RAC2: variants seen among roughly 807,000 people sequenced by gnomAD.
RAC2 encodes Rac family small GTPase 2, also known as ras-related C3 botulinum toxin substrate 2.
In RAC2, 1 loss-of-function variant was observed where a neutral mutation model predicts 24.0. The ratio of observed to expected loss-of-function variants is 0.04; its 90% CI spans 0.01 to 0.20. The LOEUF is 0.20. RAC2 is among the 10% of genes least tolerant of loss of function. RAC2 has a pLI of 1.00. For missense variants in RAC2, 130 were observed against 259.1 expected (o/e 0.50, Z 3.42); for synonymous variants, 114 against 106.8 (o/e 1.07, Z -0.41).
intron 5 of RAC2, among the ~76,000 whole-genome samples, chr22:37,230,680 G>A (rs758146978): frequency 2.8e-4 from 43 of 152,100 alleles, no homozygotes; most frequent in Non-Finnish European, 4.7e-4. Flanking sequence ...AAGAGGGGTC[G>A]AGCTGAGAAA....
intron 5 of RAC2, among the ~76,000 whole-genome samples, chr22:37,228,689 T>C (rs1926960488): frequency 6.7e-6 from 1 of 149,834 alleles, no homozygotes; most frequent in African/African-American, 2.5e-5. Context: ...AGGCCCAGAG[T>C]GGGGAAGCCA....
At chr22:37,243,270 G>A (rs773883215) in intron 1 of RAC2, among the ~76,000 whole-genome samples, 1 of 152,142 alleles carries the variant, frequency 6.6e-6, no homozygotes, top group East Asian at 1.9e-4. Flanking sequence ...AAAATGCTAG[G>A]ACTACAGGCA....
At chr22:37,234,257 A>AT (rs941426944) in intron 2 of RAC2, among the ~76,000 whole-genome samples, 2 of 152,222 alleles carry the variant, frequency 1.3e-5, no homozygotes, top group Non-Finnish European at 2.9e-5. Context: ...TGGGAGGGCC[A>AT]TCCCAGGGCT....
Position 37,242,134 on chromosome 22 carries a change from C to T in RAC2, c.36-476G>A, listed in dbSNP as rs559989080. Among the ~76,000 whole-genome samples the T allele has an allele frequency of 2.0e-5, 3 of 152,296 alleles. No homozygotes were observed. The South Asian group carries it at 6.2e-4, about 32-fold the overall frequency. ...ATGAGCCCATCCTCATAGGAGTGTG[C>T]TGAGGAGTAAATCCAACGAGGCCTA... On this transcript the variant is annotated intron_variant, in intron 1 of 6. Coordinates refer to ENST00000249071, the MANE Select transcript of RAC2 (RefSeq NM_002872.5).
chr22:37,233,982 C>T (rs1055510562), intron 2 of RAC2, among the ~76,000 whole-genome samples: 4 of 152,202 alleles, frequency 2.6e-5, no homozygotes, highest in East Asian at 1.9e-4. Flanking sequence ...CCACGGCAAA[C>T]GGTAGAAAGA....
In RAC2 at chr22:37,231,567, G is replaced by C. The variant is rs1351359783; in HGVS notation, c.289-177C>G. 11 of 634,910 alleles carry C rather than the reference G, an allele frequency of 1.7e-5. No individual in the cohort carries two copies. The Middle Eastern group carries it at 1.7e-3, about 96-fold the overall frequency. The allele number at this position is 634,910 out of a possible 1,614,324, so 39.3% of individuals were successfully genotyped here. On this transcript the variant is annotated intron_variant, in intron 4 of 6. Coordinates refer to ENST00000249071, the MANE Select transcript of RAC2 (RefSeq NM_002872.5). This position sits in a 1 kb window ranked among gnomAD's most constrained non-coding sequence, Gnocchi z 5.5. ...ACGTGAGGTGGCACAGGGAGGGGAG[G>C]CCACGACGTTGTGCAGGAAGGAGGG...
chr22:37,229,806 T>C lies in RAC2; in HGVS notation c.448+1425A>G, dbSNP rs56733795. Among the ~76,000 whole-genome samples the C allele has an allele frequency of 3.3e-3, 496 of 152,200 alleles. 1 individual carries two copies. Among genetic ancestry groups the C allele is most frequent in the African/African-American group, 0.012 (479 of 41,522 alleles). On this transcript the variant is annotated intron_variant, in intron 5 of 6. Coordinates refer to ENST00000249071, the MANE Select transcript of RAC2 (RefSeq NM_002872.5). ...TGGGGATTGTCCAGGTCAGCTTATG[T>C]GGAGAGGGAGACTGAGGCCCAGAGA... is the stretch of plus-strand genomic sequence containing the variant.
At chr22:37,230,809 C>T (rs1186620223) in intron 5 of RAC2, among the ~76,000 whole-genome samples, 2 of 152,110 alleles carry the variant, frequency 1.3e-5, no homozygotes, top group Non-Finnish European at 2.9e-5. Flanking sequence ...GTTTGACTTG[C>T]CACTTGTCCT....
At chr22:37,232,729 G>A in intron 3 of RAC2, 72 bp downstream of exon 3, 2 of 1,328,918 alleles carry the variant, frequency 1.5e-6, no homozygotes, top group Non-Finnish European at 2.2e-6. Flanking sequence ...TGAGCTGGCT[G>A]GAAGGGCATC....
At chr22:37,240,513 G>C (rs1313132236) in intron 2 of RAC2, among the ~76,000 whole-genome samples, 1 of 152,092 alleles carries the variant, frequency 6.6e-6, no homozygotes, top group Non-Finnish European at 1.5e-5. Context: ...TTTGCTAGAT[G>C]GTGGCTATGA....
chr22:37,231,083 C>T lies in RAC2; in HGVS notation c.448+148G>A, dbSNP rs559868277. 120 of 943,428 alleles carry T rather than the reference C, an allele frequency of 1.3e-4. No individual in the cohort carries two copies. In the African/African-American group the frequency reaches 1.8e-3, roughly 14 times the overall value. The allele number at this position is 943,428 out of a possible 1,614,324, so 58.4% of individuals were successfully genotyped here. On this transcript the variant is annotated intron_variant, in intron 5 of 6. Transcript: ENST00000249071. This position sits in a 1 kb window ranked among gnomAD's most constrained non-coding sequence, Gnocchi z 5.5. Reference sequence around the variant, plus strand: ...ACACAGGCAGAGAGAGGCTACGTGACTCGCCCAAGGTCACACAGCAAGTGC... The same window carrying T: ...ACACAGGCAGAGAGAGGCTACGTGATTCGCCCAAGGTCACACAGCAAGTGC...
At chr22:37,234,900 G>A (rs552672947) in intron 2 of RAC2, among the ~76,000 whole-genome samples, 8 of 152,332 alleles carry the variant, frequency 5.3e-5, no homozygotes, top group Non-Finnish European at 8.8e-5. Flanking sequence ...CTCTGGCGGA[G>A]CTTCGTCGTC....
intron 6 of RAC2, among the ~76,000 whole-genome samples, chr22:37,226,338 G>A (rs994285685): frequency 1.3e-5 from 2 of 151,956 alleles, no homozygotes; most frequent in East Asian, 1.9e-4. Flanking sequence ...TCCCTGGCTC[G>A]ACTGGGCTCT....
rs1460225721 is a variant in RAC2, at chr22:37,232,822, C to A, written c.204G>T (p.Arg68=). 1.2e-6 allele frequency: 2 copies of A among 1,613,860 alleles called. No individual in the cohort carries two copies. Among genetic ancestry groups the A allele is most frequent in the South Asian group, 1.1e-5 (1 of 91,072 alleles). The change falls in exon 3 of 7, where the codon CGG becomes CGT. Residue 68 remains arginine (R), a synonymous_variant. Transcript: ENST00000249071. ...ACACCGTCTGTGGATAGGAGAGCGG[C>A]CGGAGACGGTCGTAGTCCTCCTGCC... ...TAGQEDYDRL[R]PLSYPQTDVF... is the part of the protein sequence containing the mutation.
At chr22:37,233,282 GT>G (rs923079614) in intron 2 of RAC2, among the ~76,000 whole-genome samples, 3 of 115,698 alleles carry the variant, frequency 2.6e-5, no homozygotes, top group African/African-American at 1.2e-4. Flanking sequence ...GTTGTTTTTT[GT>G]TTGTTTGTTT....
intron 1 of RAC2, among the ~76,000 whole-genome samples, chr22:37,242,675 C>A (rs1241545410): frequency 6.6e-6 from 1 of 152,246 alleles, no homozygotes; most frequent in African/African-American, 2.4e-5. Context: ...TTCCGCCCGC[C>A]CCTCCTCCGA....
intron 1 of RAC2, among the ~76,000 whole-genome samples, chr22:37,242,199 C>A (rs985390546): frequency 6.6e-6 from 1 of 152,180 alleles, no homozygotes; most frequent in African/African-American, 2.4e-5. Flanking sequence ...TGGCAGCAGC[C>A]GATGGCTGCT....
chr22:37,242,086 G>A (rs1279846596), intron 1 of RAC2, among the ~76,000 whole-genome samples: 1 of 152,192 alleles, frequency 6.6e-6, no homozygotes, highest in Non-Finnish European at 1.5e-5. Flanking sequence ...CTCTGCCTCA[G>A]TTTCTCCATC....
chr22:37,241,475 G>A, intron 2 of RAC2, 112 bp downstream of exon 2: 1 of 1,143,786 alleles, frequency 8.7e-7, no homozygotes, highest in South Asian at 1.2e-5. Flanking sequence ...CTGGGCTGGA[G>A]GCTGTGGGTG....
Sources: gnomAD v4.1 joint callset for allele counts (sites outside exome capture counted in the v4.1 genomes callset) on GRCh38, gnomAD v4.1.1 for gene constraint, Gnocchi (gnomAD v3.1) non-coding constraint, MANE v1.5 for transcripts, NCBI Gene and HGNC (gene_info 2026-07-23, HGNC 2026-07-21) for gene names.